The following EEF2 variants were observed in gnomAD, a reference collection of about 807,000 sequenced individuals.
EEF2 encodes the protein elongation factor 2.
EEF2 carries 21 observed loss-of-function variants against 85.3 expected under a neutral mutation model. That is an observed-to-expected ratio of 0.25 (90% CI 0.17 to 0.35). The LOEUF (loss-of-function observed/expected upper bound fraction) is 0.35. Ranked by LOEUF, EEF2 falls within the 10% of genes least tolerant of loss-of-function variation. EEF2 has a pLI of 1.00. For synonymous variants in EEF2, 723 were observed against 508.8 expected, an observed-to-expected ratio of 1.42 and a Z score of -5.67; for missense variants, 825 against 1,225.3, an observed-to-expected ratio of 0.67 and a Z score of 4.88.
Position 3,977,649 on chromosome 19 carries a change from A to T in EEF2, c.2068-39T>A. 1 of 1,479,656 alleles carries T rather than the reference A, an allele frequency of 6.8e-7. No homozygotes were observed. Among genetic ancestry groups the T allele is most frequent in the Non-Finnish European group, 8.9e-7 (1 of 1,121,118 alleles). 91.7% of individuals were successfully genotyped at this position (1,479,656 alleles called of 1,614,324 possible). On this transcript the variant is annotated intron_variant, in intron 12 of 14. Transcript: ENST00000309311. The surrounding 1 kb of genome is among the most constrained non-coding windows in gnomAD (Gnocchi z 5.4). ...AGAGCCACCGTCAAGGGCCGGACACACCTCGGCTGCTTGCCCTCCACCTGC... is the reference window on the plus strand; with the variant it reads ...AGAGCCACCGTCAAGGGCCGGACACTCCTCGGCTGCTTGCCCTCCACCTGC...
intron 2 of EEF2, 47 bp from the exon 3 acceptor site, chr19:3,983,338 G>T (rs775900435): frequency 1.9e-6 from 3 of 1,577,766 alleles, no homozygotes; most frequent in South Asian, 2.3e-5. Context: ...CACACACCTG[G>T]CCCAGGGAGT....
chr19:3,976,716 G>T lies in EEF2; in HGVS notation c.2415C>A (p.Gly805=). The change falls in exon 15 of 15, where the codon GGC becomes GGA. Residue 805 remains glycine, a synonymous_variant. Coordinates refer to ENST00000309311, the MANE Select transcript of EEF2 (RefSeq NM_001961.4). ...ACACACACTGGGGGAACGCCTGGCC[G>T]CCCGTGTTGGACCTCAGGTCAGCGG... is the stretch of plus-strand genomic sequence containing the variant. ...GFTADLRSNT[G]GQAFPQCVFD... 1 of 1,599,240 alleles carries T rather than the reference G, an allele frequency of 6.3e-7. No individual in the cohort carries two copies. Among genetic ancestry groups the T allele is most frequent in the Non-Finnish European group, 8.5e-7 (1 of 1,175,900 alleles).
intron 6 of EEF2, 148 bp downstream of exon 6, chr19:3,981,799 C>T (rs1185174323): frequency 1.3e-6 from 1 of 742,562 alleles, no homozygotes; most frequent in African/African-American, 1.8e-5. Flanking sequence ...GCCCTGACTC[C>T]ACCTCAGTTA....
In EEF2 at chr19:3,976,413, T is replaced by A; in HGVS notation, c.*141A>T. On this transcript the variant is annotated 3_prime_UTR_variant, in exon 15 of 15. Transcript: ENST00000309311. ...GGCATCAAGTGTTATGGTTGAGTGA[T>A]GGCACGCAGCGGGCCCCAGAAACCT... is the stretch of plus-strand genomic sequence containing the variant. The A allele has an allele frequency of 1.2e-6, 1 of 867,542 alleles. No individual in the cohort carries two copies. Among genetic ancestry groups the A allele is most frequent in the Admixed American group, 2.7e-5 (1 of 37,068 alleles). 53.7% of individuals were successfully genotyped at this position (867,542 alleles called of 1,614,324 possible). A position where few individuals can be genotyped will look rare whatever the true frequency, so the allele number is the denominator to read the frequency against.
At position 3,985,202 on chromosome 19, in the gene EEF2, G is replaced by A. The variant is rs540657433; in HGVS notation, c.3+176C>T. The A allele has an allele frequency of 1.3e-4, 85 of 650,874 alleles. No homozygotes were observed. The East Asian group carries it at 2.6e-3, about 20-fold the overall frequency. 40.3% of individuals were successfully genotyped at this position (650,874 alleles called of 1,614,324 possible). A position where few individuals can be genotyped will look rare whatever the true frequency, so the allele number is the denominator to read the frequency against. ...CTCGGAAACGGAGAAAGGGCTCGGTGAACAGCGCGGCGCACAGACATGGCG... is the reference window on the plus strand; with the variant it reads ...CTCGGAAACGGAGAAAGGGCTCGGTAAACAGCGCGGCGCACAGACATGGCG... On this transcript the variant is annotated intron_variant, in intron 1 of 14. Coordinates refer to ENST00000309311, the MANE Select transcript of EEF2 (RefSeq NM_001961.4).
intron 2 of EEF2, chr19:3,983,924 CT>C: frequency 3.4e-6 from 2 of 593,220 alleles, no homozygotes; most frequent in Non-Finnish European, 6.0e-6. Context: ...GTTAAGCCCC[CT>C]CCTCAAGAAA....
At chr19:3,978,822 A>AAAAAAAAAAAG (rs2039708838) in intron 11 of EEF2, among the ~76,000 whole-genome samples, 1 of 130,252 alleles carries the variant, frequency 7.7e-6, no homozygotes, top group Non-Finnish European at 1.6e-5. Context: ...AAAAAAAAAA[A>AAAAAAAAAAAG]AAAAAAAAAT....
intron 14 of EEF2, 116 bp from the exon 15 acceptor site, chr19:3,976,863 C>T: frequency 8.2e-7 from 1 of 1,218,442 alleles, no homozygotes; most frequent in African/African-American, 1.5e-5. Context: ...AGACCAGACA[C>T]TCGGCCTGGT....
Position 3,978,288 on chromosome 19 carries a change from C to T in EEF2, c.1714-116G>A, listed in dbSNP as rs536867142. ...GACCTCATACAGCCTGGTAGAGCCA[C>T]GTCAATCAGAACGAAGCGGAGTCAG... On this transcript the variant is annotated intron_variant, in intron 11 of 14. Coordinates refer to ENST00000309311, the MANE Select transcript of EEF2 (RefSeq NM_001961.4). The T allele has an allele frequency of 3.3e-4, 279 of 846,430 alleles. 5 individuals are homozygous for T. The Middle Eastern group carries it at 4.9e-3, about 15-fold the overall frequency. The allele number at this position is 846,430 out of a possible 1,614,324, so 52.4% of individuals were successfully genotyped here. A position where few individuals can be genotyped will look rare whatever the true frequency, so the allele number is the denominator to read the frequency against.
At chr19:3,979,481 A>G (rs1011332518) in intron 10 of EEF2, 45 bp from the exon 11 acceptor site, 2 of 1,540,466 alleles carry the variant, frequency 1.3e-6, no homozygotes, top group East Asian at 4.5e-5. Context: ...GCGGCTCGGA[A>G]CAGGCGGGAC....
intron 1 of EEF2, chr19:3,984,755 T>C: frequency 4.6e-6 from 1 of 217,196 alleles, no homozygotes. Flanking sequence ...AAATGCAAGG[T>C]CACCCCTTGG....
In EEF2 at chr19:3,981,953, G is replaced by C; in HGVS notation, c.891C>G (p.Ile297Met). The C allele has an allele frequency of 6.2e-7, 1 of 1,613,946 alleles. No individual in the cohort carries two copies. The highest frequency in any genetic ancestry group is 1.1e-5 in the South Asian group (1 of 91,060). ...RTFCQLILDP[I>M]FKVFDAIMNF... ...TGGCGCAGCCCTCACTCACCTTGAAGATGGGGTCCAGGATCAGCTGGCAGA... is the reference window on the plus strand; with the variant it reads ...TGGCGCAGCCCTCACTCACCTTGAACATGGGGTCCAGGATCAGCTGGCAGA... Residue 297 changes from isoleucine (I) to methionine (M), a missense_variant, in exon 6 of 15, where the codon ATC (isoleucine) becomes ATG (methionine). Coordinates refer to ENST00000309311, the MANE Select transcript of EEF2 (RefSeq NM_001961.4).
At chr19:3,980,374 A>G (rs1474261898) in intron 9 of EEF2, 140 bp downstream of exon 9, 4 of 1,159,754 alleles carry the variant, frequency 3.4e-6, no homozygotes, top group Admixed American at 5.6e-5. Flanking sequence ...GCTAAGAACA[A>G]AAGTTGTGGC....
At chr19:3,981,108 C>A in intron 7 of EEF2, 129 bp from the exon 8 acceptor site, 2 of 1,421,482 alleles carry the variant, frequency 1.4e-6, no homozygotes, top group Non-Finnish European at 1.9e-6. Context: ...ACAGTCCCTT[C>A]TGGAAGGCGG....
chr19:3,979,802 GC>G lies in EEF2; in HGVS notation c.1605+5del, dbSNP rs2039723038. ...TCTGCTCCCAGCAGGTGCACTCCGT[GC>G]CCACCTGCACCATGGGGTCGGACTT... On this transcript the variant is annotated splice_donor_5th_base_variant and intron_variant, in intron 10 of 14. Transcript: ENST00000309311. 1 of 1,609,436 alleles carries G rather than the reference GC, an allele frequency of 6.2e-7. No homozygotes were observed. The highest frequency in any genetic ancestry group is 8.5e-7 in the Non-Finnish European group (1 of 1,177,446).
At chr19:3,980,111 C>A in intron 9 of EEF2, 45 bp from the exon 10 acceptor site, 1 of 1,587,278 alleles carries the variant, frequency 6.3e-7, no homozygotes, top group Non-Finnish European at 8.6e-7. Context: ...GATGGTTGTG[C>A]TGGACCCTGG....
rs780887888 is a variant in EEF2, at chr19:3,983,308, C to T, written c.219-17G>A. On this transcript the variant is annotated splice_polypyrimidine_tract_variant and intron_variant, in intron 2 of 14. Transcript: ENST00000309311. ...GAGATGGCACTGATGGAGGGAGGGA[C>T]TCGTCAGGGGGACAGGAGCCACACA... 9 of 1,609,756 alleles carry T rather than the reference C, an allele frequency of 5.6e-6. No individual in the cohort carries two copies. In the South Asian group the frequency reaches 9.9e-5, roughly 18 times the overall value.
chr19:3,979,529 G>A (rs2039719418), intron 10 of EEF2, 93 bp from the exon 11 acceptor site: 1 of 1,157,646 alleles, frequency 8.6e-7, no homozygotes. Context: ...GACCCCGCCA[G>A]AACAAGATTT....
At chr19:3,985,289 G>C in intron 1 of EEF2, 89 bp downstream of exon 1, 1 of 1,298,688 alleles carries the variant, frequency 7.7e-7, no homozygotes. Flanking sequence ...CTCCTGGCAC[G>C]GGGGGCCCCA....
Sources: allele counts gnomAD v4.1 joint callset (sites outside exome capture counted in the v4.1 genomes callset), GRCh38; gene constraint gnomAD v4.1.1; non-coding constraint Gnocchi (gnomAD v3.1); transcripts MANE v1.5; gene names NCBI Gene and HGNC (gene_info 2026-07-23, HGNC 2026-07-21).